Variants in DYRK4 observed in about 807,000 individuals in gnomAD.
DYRK4 encodes dual specificity tyrosine phosphorylation regulated kinase 4.
DYRK4 carries 64 observed loss-of-function variants against 68.3 expected under a neutral mutation model. The observed-to-expected ratio is 0.94, with a 90% CI of 0.77 to 1.15. The LOEUF (loss-of-function observed/expected upper bound fraction) is 1.15, where lower values mean the gene tolerates loss of function less well. Ranked by LOEUF, DYRK4 falls within the 50% of genes most tolerant of loss-of-function variation. DYRK4 has a pLI of 0.00. For missense variants in DYRK4, 740 were observed against 764.7 expected (o/e 0.97, Z 0.38); for synonymous variants, 274 against 289.9 (o/e 0.95, Z 0.56).
intron 3 of DYRK4, chr12:4,590,115 A>T: frequency 7.6e-7 from 1 of 1,309,872 alleles, no homozygotes; most frequent in Non-Finnish European, 9.7e-7. Flanking sequence ...AGTAAGTAGT[A>T]GAGCAGGGAC....
intron 2 of DYRK4, among the ~76,000 whole-genome samples, chr12:4,579,978 T>G (rs1332674853): frequency 6.6e-6 from 1 of 152,200 alleles, no homozygotes; most frequent in Non-Finnish European, 1.5e-5. Flanking sequence ...CTGTTAATTG[T>G]GTTATCTTGG....
chr12:4,566,538 A>C (rs542219866), intron 1 of DYRK4, among the ~76,000 whole-genome samples: 2 of 152,342 alleles, frequency 1.3e-5, no homozygotes, highest in East Asian at 3.9e-4. Flanking sequence ...ACCTGGAAAC[A>C]TGCTCTGGGA....
At chr12:4,570,040 AAATAAT>A (rs58464815) in intron 2 of DYRK4, among the ~76,000 whole-genome samples, 1,924 of 141,202 alleles carry the variant, frequency 0.014, 34 homozygotes, top group African/African-American at 0.027. Context: ...CTGTCGCTAT[AAATAAT>A]AATAATAATA....
At chr12:4,570,512 G>T (rs1944720677) in intron 2 of DYRK4, among the ~76,000 whole-genome samples, 1 of 152,146 alleles carries the variant, frequency 6.6e-6, no homozygotes, top group South Asian at 2.1e-4. Context: ...TGCACGTGAA[G>T]TATTGGGTTT....
At chr12:4,588,704 A>C (rs937304127) in intron 2 of DYRK4, among the ~76,000 whole-genome samples, 3 of 152,194 alleles carry the variant, frequency 2.0e-5, no homozygotes, top group Non-Finnish European at 4.4e-5. Context: ...AAAGCATGAA[A>C]ACCATAGGCC....
intron 1 of DYRK4, 48 bp downstream of exon 1, chr12:4,562,331 C>G (rs754608675): frequency 1.1e-5 from 16 of 1,509,836 alleles, no homozygotes; most frequent in Middle Eastern, 3.4e-4. Context: ...GGCGCGAGTA[C>G]GAGGCAGGCG....
intron 1 of DYRK4, 89 bp downstream of exon 1, chr12:4,562,372 G>A: frequency 2.7e-6 from 4 of 1,456,346 alleles, no homozygotes; most frequent in Non-Finnish European, 3.6e-6. Context: ...GGTCGTGGGG[G>A]GAGAATGAAA....
At chr12:4,601,718 CT>C (rs1423541401) in intron 10 of DYRK4, among the ~76,000 whole-genome samples, 3 of 151,848 alleles carry the variant, frequency 2.0e-5, no homozygotes, top group African/African-American at 4.8e-5. Flanking sequence ...ACATATATAT[CT>C]TTTTTTTAGT....
chr12:4,563,279 A>T (rs1374613898), intron 1 of DYRK4: 1 of 394,688 alleles, frequency 2.5e-6, no homozygotes, highest in African/African-American at 2.1e-5. Flanking sequence ...TTTGGTCCTT[A>T]TGGAGAAAGC....
chr12:4,565,749 C>T lies in DYRK4; in HGVS notation c.39-2206C>T, dbSNP rs988203291. On this transcript the variant is annotated intron_variant, in intron 1 of 14. Coordinates refer to ENST00000543431, the MANE Select transcript of DYRK4 (RefSeq NM_001394779.1). ...CAGGAGATTCTCCTGCCTCATCCTC[C>T]CGAGTAGCTGGGATTACAGGCGTGA... Among the ~76,000 whole-genome samples, 3 of 152,214 alleles carry T rather than the reference C, an allele frequency of 2.0e-5. No individual in the cohort carries two copies. The South Asian group carries it at 6.2e-4, about 32-fold the overall frequency.
intron 2 of DYRK4, among the ~76,000 whole-genome samples, chr12:4,578,085 G>A (rs1378925867): frequency 1.3e-5 from 2 of 152,140 alleles, no homozygotes; most frequent in Non-Finnish European, 2.9e-5. Flanking sequence ...TTTATGGTAT[G>A]CACTTTTTGT....
At position 4,567,973 on chromosome 12, in the gene DYRK4, A is replaced by T; in HGVS notation, c.57A>T (p.Lys19Asn). The T allele has an allele frequency of 6.5e-7, 1 of 1,536,162 alleles. No individual in the cohort carries two copies. The change falls in exon 2 of 15, where the codon AAA becomes AAT. Residue 19 changes from lysine to asparagine, a missense_variant. Coordinates refer to ENST00000543431, the MANE Select transcript of DYRK4 (RefSeq NM_001394779.1). Reference sequence around the variant, plus strand: ...CATGCAGGACTCAAATGGATGCTAAAAAGCCAAGGAAATGTGATTTGACTC... The same window carrying T: ...CATGCAGGACTCAAATGGATGCTAATAAGCCAAGGAAATGTGATTTGACTC... ...RTGTKTQMDA[K>N]KPRKCDLTPF...
intron 2 of DYRK4, 73 bp from the exon 3 acceptor site, chr12:4,588,864 A>T (rs964374268): frequency 3.5e-6 from 5 of 1,429,964 alleles, no homozygotes; most frequent in Non-Finnish European, 4.8e-6. Context: ...TGTTTATTGT[A>T]ATGTAACAAA....
intron 8 of DYRK4, among the ~76,000 whole-genome samples, chr12:4,598,790 A>C (rs1450436291): frequency 6.6e-6 from 1 of 152,220 alleles, no homozygotes; most frequent in African/African-American, 2.4e-5. Flanking sequence ...AAAGTGCTTC[A>C]GTGGCCTTGT....
chr12:4,602,962 C>A, intron 10 of DYRK4: 1 of 868,622 alleles, frequency 1.2e-6, no homozygotes, highest in Non-Finnish European at 1.8e-6. Flanking sequence ...TGTCCTTGAG[C>A]TTAAATTTTC....
chr12:4,595,999 A>G (rs762252495), intron 6 of DYRK4, 150 bp from the exon 7 acceptor site: 22 of 819,066 alleles, frequency 2.7e-5, no homozygotes, highest in Admixed American at 7.1e-5. Flanking sequence ...TCGCAATGAG[A>G]TGAGGGCGAG....
Position 4,596,672 on chromosome 12 carries a change from A to G in DYRK4, c.848A>G (p.His283Arg), listed in dbSNP as rs1210890054. The G allele has an allele frequency of 1.2e-6, 2 of 1,614,222 alleles. No homozygotes were observed. The highest frequency in any genetic ancestry group is 1.7e-6 in the Non-Finnish European group (2 of 1,180,042). The change falls in exon 8 of 15, where the codon CAT becomes CGT. Residue 283 changes from histidine to arginine, a missense_variant. His to Arg is a conservative substitution (Grantham distance 29). This residue lies in a region of DYRK4 where 614 missense variants were observed against 603.7 expected (regional missense o/e 1.02). Coordinates refer to ENST00000543431, the MANE Select transcript of DYRK4 (RefSeq NM_001394779.1). ...KDKDNTYNVV[H>R]MKDFFYFRNH... ...AAAGACAACACCTACAATGTGGTGC[A>G]TATGAAGGACTTTTTCTACTTTCGC...
At chr12:4,589,135 G>A in intron 3 of DYRK4, 118 bp downstream of exon 3, 6 of 838,912 alleles carry the variant, frequency 7.2e-6, no homozygotes, top group Non-Finnish European at 1.1e-5. Context: ...ATAACATGAT[G>A]ACAGCACTCT....
intron 2 of DYRK4, among the ~76,000 whole-genome samples, chr12:4,584,648 T>G (rs1944876935): frequency 6.7e-6 from 1 of 148,258 alleles, no homozygotes; most frequent in African/African-American, 2.5e-5. Context: ...CTCTGCCTCC[T>G]GGGTTCATGC....
Sources: allele counts gnomAD v4.1 joint callset (sites outside exome capture counted in the v4.1 genomes callset), GRCh38; gene constraint gnomAD v4.1.1; regional missense constraint gnomAD v4.1.1; transcripts MANE v1.5; gene names NCBI Gene and HGNC (gene_info 2026-07-23, HGNC 2026-07-21).